DCUN1D4: variants seen among roughly 807,000 people sequenced by gnomAD.
DCUN1D4 encodes the protein defective in cullin neddylation 1 domain containing 4, also known as DCN1-like protein 4.
A neutral mutation model predicts 47.9 loss-of-function variants in DCUN1D4; 22 were observed. That is an observed-to-expected ratio of 0.46 (90% CI 0.33 to 0.66). DCUN1D4 has a LOEUF of 0.66. Ranked by LOEUF, DCUN1D4 falls within the 30% of genes least tolerant of loss-of-function variation. The pLI is 0.02. For missense variants in DCUN1D4, 301 were observed against 340.8 expected (o/e 0.88, Z 0.92); for synonymous variants, 121 against 112.2 (o/e 1.08, Z -0.50).
chr4:51,846,868 C>A (rs1453520689), intron 1 of DCUN1D4, among the ~76,000 whole-genome samples: 1 of 152,132 alleles, frequency 6.6e-6, no homozygotes, highest in East Asian at 1.9e-4. Flanking sequence ...GGCTCATTTG[C>A]CTCATGTTTG....
intron 1 of DCUN1D4, among the ~76,000 whole-genome samples, chr4:51,850,683 A>G (rs1244987658): frequency 2.0e-5 from 3 of 152,106 alleles, no homozygotes; most frequent in African/African-American, 7.2e-5. Context: ...TAAATTGTGT[A>G]ATACGTCAGA....
chr4:51,848,242 A>G, intron 1 of DCUN1D4: 1 of 1,289,378 alleles, frequency 7.8e-7, no homozygotes, highest in Non-Finnish European at 1.0e-6. Context: ...AGAAATTCTC[A>G]AGGAAAGAGT....
At chr4:51,882,153 G>A (rs185007356) in intron 5 of DCUN1D4, among the ~76,000 whole-genome samples, 223 of 152,238 alleles carry the variant, frequency 1.5e-3, no homozygotes, top group Middle Eastern at 0.01. Context: ...ACAGACACAT[G>A]TATTTATAAG....
intron 1 of DCUN1D4, among the ~76,000 whole-genome samples, chr4:51,858,963 A>G (rs1449598817): frequency 1.3e-5 from 2 of 152,306 alleles, no homozygotes; most frequent in East Asian, 3.9e-4. Context: ...TATACTGTGT[A>G]TTGATATCTG....
chr4:51,907,148 T>G (rs1277585441), intron 8 of DCUN1D4, among the ~76,000 whole-genome samples: 2 of 152,196 alleles, frequency 1.3e-5, no homozygotes, highest in Non-Finnish European at 2.9e-5. Flanking sequence ...TTTAGAGTAG[T>G]GCTTACAGTA....
chr4:51,841,426 C>G (rs1721644763), upstream of DCUN1D4, among the ~76,000 whole-genome samples: 1 of 152,090 alleles, frequency 6.6e-6, no homozygotes, highest in South Asian at 2.1e-4. Context: ...ACAAGCAATC[C>G]CCTATCTCAG....
intron 1 of DCUN1D4, among the ~76,000 whole-genome samples, chr4:51,850,227 A>G (rs1379846765): frequency 6.6e-6 from 1 of 152,216 alleles, no homozygotes; most frequent in Non-Finnish European, 1.5e-5. Context: ...AAATCCAAAG[A>G]AAAACTATCA....
chr4:51,873,221 G>C (rs1407021867), intron 3 of DCUN1D4, among the ~76,000 whole-genome samples: 1 of 152,172 alleles, frequency 6.6e-6, no homozygotes, highest in African/African-American at 2.4e-5. Context: ...ATGAGGTTCA[G>C]AATTCACCAC....
At chr4:51,842,995 T>A, upstream of DCUN1D4, 3 of 1,254,800 alleles carry the variant, frequency 2.4e-6, no homozygotes, top group Non-Finnish European at 3.1e-6. Flanking sequence ...CCAATCGTAT[T>A]GGCCAGTGGG....
intron 3 of DCUN1D4, among the ~76,000 whole-genome samples, chr4:51,866,106 A>G (rs1043718884): frequency 6.6e-6 from 1 of 152,212 alleles, no homozygotes; most frequent in African/African-American, 2.4e-5. Flanking sequence ...AGAATGCGCT[A>G]GGAGTGTTCT....
chr4:51,876,338 GTTCTCAC>G lies in DCUN1D4; in HGVS notation c.252-1423_252-1417del, dbSNP rs1256677824. Reference sequence around the variant, plus strand: ...AAGGACAAAAAACCAAACACCGCATGTTCTCACTCATAGGTGGGAATTGAACAATGAG... The same window carrying G: ...AAGGACAAAAAACCAAACACCGCATGTCATAGGTGGGAATTGAACAATGAG... On this transcript the variant is annotated intron_variant, in intron 4 of 10. Coordinates refer to ENST00000334635, the MANE Select transcript of DCUN1D4 (RefSeq NM_001040402.3). 2.0e-5 allele frequency among the ~76,000 whole-genome samples: 3 copies of G among 150,896 alleles called. No homozygotes were observed. The East Asian group carries it at 5.9e-4, about 30-fold the overall frequency.
intron 7 of DCUN1D4, 56 bp from the exon 8 acceptor site, chr4:51,899,214 T>C: frequency 6.7e-7 from 1 of 1,494,628 alleles, no homozygotes; most frequent in East Asian, 2.5e-5. Context: ...CTGCCTCTAT[T>C]AAAAAAATAA....
chr4:51,845,391 C>A, intron 1 of DCUN1D4: 5 of 596,670 alleles, frequency 8.4e-6, no homozygotes, highest in Non-Finnish European at 1.1e-5. Flanking sequence ...TAATATGTGA[C>A]GTCTTCAATT....
At chr4:51,859,638 C>CAAAAAAAAAAAA (rs35981680) in intron 1 of DCUN1D4, among the ~76,000 whole-genome samples, 2 of 39,494 alleles carry the variant, frequency 5.1e-5, no homozygotes, top group Non-Finnish European at 8.3e-5. Context: ...TTAAAACAAG[C>CAAAAAAAAAAAA]AAAAAAAAAA....
chr4:51,845,202 G>C (rs1296859325), intron 1 of DCUN1D4: 1 of 985,318 alleles, frequency 1.0e-6, no homozygotes, highest in African/African-American at 1.7e-5. Context: ...GTAAGCACTG[G>C]GTTCCAGCAT....
rs1443607648 is a variant in DCUN1D4 at position 51,915,178 on chromosome 4, T to G, written c.*1594T>G. ...TTTTACCATTTCTTTGCAAACAGTG[T>G]TCACATTTTCATATTTTTTCCCTAA... On this transcript the variant is annotated 3_prime_UTR_variant, in exon 11 of 11. Coordinates refer to ENST00000334635, the MANE Select transcript of DCUN1D4 (RefSeq NM_001040402.3). 6.6e-6 allele frequency: 1 copy of G among 152,572 alleles called. No homozygotes were observed. The highest frequency in any genetic ancestry group is 1.5e-5 in the Non-Finnish European group (1 of 68,022). The allele number at this position is 152,572 out of a possible 1,614,324, so 9.5% of individuals were successfully genotyped here.
upstream of DCUN1D4, among the ~76,000 whole-genome samples, chr4:51,842,549 T>C (rs557245241): frequency 6.6e-6 from 1 of 152,158 alleles, no homozygotes; most frequent in Non-Finnish European, 1.5e-5. Context: ...GACGCGGCAA[T>C]TCTTAATCCA....
In DCUN1D4 at chr4:51,914,551, G is replaced by T. The variant is rs557228414; in HGVS notation, c.*967G>T. ...AGCTTTCATGGTATGTAATTTTCCA[G>T]CCTTTTGAGAAAACAAGCATACTAT... On this transcript the variant is annotated 3_prime_UTR_variant, in exon 11 of 11. Coordinates refer to ENST00000334635, the MANE Select transcript of DCUN1D4 (RefSeq NM_001040402.3). The T allele has an allele frequency of 1.2e-4, 19 of 152,608 alleles. No homozygotes were observed. The highest frequency in any genetic ancestry group is 4.6e-4 in the African/African-American group (19 of 41,530). The allele number at this position is 152,608 out of a possible 1,614,324, so 9.5% of individuals were successfully genotyped here.
chr4:51,876,590 A>G (rs1468395036), intron 4 of DCUN1D4, among the ~76,000 whole-genome samples: 1 of 152,248 alleles, frequency 6.6e-6, no homozygotes, highest in East Asian at 1.9e-4. Flanking sequence ...AGGATTATAC[A>G]GTTGACTGTT....
Sources: allele counts gnomAD v4.1 joint callset (sites outside exome capture counted in the v4.1 genomes callset), GRCh38; gene constraint gnomAD v4.1.1; transcripts MANE v1.5; gene names NCBI Gene and HGNC (gene_info 2026-07-23, HGNC 2026-07-21).